Variants in EYS observed in about 807,000 individuals in gnomAD.
EYS encodes EGF-like photoreceptor maintenance factor, also known as protein eyes shut homolog.
In EYS, 250 loss-of-function variants were observed where a neutral mutation model predicts 282.1. The ratio of observed to expected loss-of-function variants is 0.89; its 90% CI spans 0.80 to 0.98. The LOEUF (loss-of-function observed/expected upper bound fraction) is 0.98, where lower values mean the gene tolerates loss of function less well. Ranked by LOEUF, EYS falls within the 50% of genes least tolerant of loss-of-function variation. The pLI, the probability that EYS is intolerant of heterozygous loss-of-function variation, is 0.00. For synonymous variants in EYS, 1,355 were observed against 1,282.9 expected, an observed-to-expected ratio of 1.06 and a Z score of -1.20; for missense variants, 4,016 against 3,709.0, an observed-to-expected ratio of 1.08 and a Z score of -2.15.
At chr6:65,142,575 C>T (rs1214672058) in intron 12 of EYS, among the ~76,000 whole-genome samples, 2 of 150,080 alleles carry the variant, frequency 1.3e-5, no homozygotes, top group Non-Finnish European at 3.0e-5. Context: ...GATGTAACTA[C>T]TGGGAAAAGC....
At chr6:64,699,428 C>T (rs1770705557) in intron 22 of EYS, among the ~76,000 whole-genome samples, 1 of 152,042 alleles carries the variant, frequency 6.6e-6, no homozygotes, top group Non-Finnish European at 1.5e-5. Context: ...CCCCATTACA[C>T]AAGTTTATCT....
At chr6:64,795,705 C>A (rs961238699) in intron 22 of EYS, among the ~76,000 whole-genome samples, 1 of 152,180 alleles carries the variant, frequency 6.6e-6, no homozygotes. Flanking sequence ...ATTTTTGACA[C>A]TTTTAATGAA....
At chr6:64,220,721 C>T (rs1467512299) in intron 31 of EYS, among the ~76,000 whole-genome samples, 1 of 152,126 alleles carries the variant, frequency 6.6e-6, no homozygotes, top group African/African-American at 2.4e-5. Flanking sequence ...TCTTTGCATG[C>T]TCATTCTAGG....
chr6:64,231,432 T>TG (rs1357198005), intron 30 of EYS, among the ~76,000 whole-genome samples: 4 of 152,158 alleles, frequency 2.6e-5, no homozygotes, highest in African/African-American at 9.7e-5. Flanking sequence ...GATTCATCCC[T>TG]GCTCTTCCAG....
intron 33 of EYS, among the ~76,000 whole-genome samples, chr6:64,012,689 A>G (rs961306889): frequency 6.6e-6 from 1 of 152,158 alleles, no homozygotes; most frequent in East Asian, 1.9e-4. Flanking sequence ...GCTGTTTCCT[A>G]AAAGTGGGAT....
At position 63,721,504 on chromosome 6, in the gene EYS, C is replaced by A; in HGVS notation, c.8527G>T (p.Gly2843Cys). The A allele has an allele frequency of 6.4e-7, 1 of 1,551,318 alleles. No individual in the cohort carries two copies. The highest frequency in any genetic ancestry group is 8.7e-7 in the Non-Finnish European group (1 of 1,146,636). Residue 2843 changes from glycine (G) to cysteine (C), a missense_variant, in exon 43 of 43, where the codon GGT becomes TGT. By Grantham distance (159) the Gly-to-Cys change is radical. Coordinates refer to ENST00000503581, the MANE Select transcript of EYS (RefSeq NM_001142800.2). ...ACTTGTCGGATACAGCCTTGAAAAC[C>A]TACAGGTTCATTTTCTATTGCCATG... ...NPMAIENEPV[G>C]FQGCIRQVII...
chr6:64,642,073 G>A (rs1420867208), intron 22 of EYS, among the ~76,000 whole-genome samples: 2 of 152,086 alleles, frequency 1.3e-5, no homozygotes, highest in Non-Finnish European at 2.9e-5. Context: ...ATAACATGAA[G>A]ACAGAAAGAT....
chr6:65,560,618 A>G (rs1474082672), intron 2 of EYS, among the ~76,000 whole-genome samples: 1 of 151,812 alleles, frequency 6.6e-6, no homozygotes, highest in Non-Finnish European at 1.5e-5. Context: ...TCTGCCATCC[A>G]AAGGCAGACA....
intron 2 of EYS, among the ~76,000 whole-genome samples, chr6:65,619,868 G>A (rs1311901062): frequency 9.3e-5 from 14 of 150,700 alleles, no homozygotes; most frequent in Middle Eastern, 3.4e-3. Flanking sequence ...ATTGATTTGC[G>A]TATGTTGAAC....
chr6:63,849,441 T>G (rs569908836), intron 36 of EYS, among the ~76,000 whole-genome samples: 1 of 152,172 alleles, frequency 6.6e-6, no homozygotes, highest in African/African-American at 2.4e-5. Context: ...AGGAGAGCAC[T>G]GGCTGGCATC....
intron 2 of EYS, among the ~76,000 whole-genome samples, chr6:65,616,644 G>T (rs1766207735): frequency 1.3e-5 from 2 of 151,884 alleles, no homozygotes; most frequent in African/African-American, 2.4e-5. Flanking sequence ...AAATTTGCTG[G>T]GTGTGGTGGC....
intron 26 of EYS, among the ~76,000 whole-genome samples, chr6:64,471,867 TTAGA>T: frequency 6.6e-6 from 1 of 152,298 alleles, no homozygotes; most frequent in African/African-American, 2.4e-5. Flanking sequence ...AAACATATAA[TTAGA>T]TAGAAGACAT....
intron 31 of EYS, among the ~76,000 whole-genome samples, chr6:64,131,839 C>G (rs913461333): frequency 2.6e-5 from 4 of 152,046 alleles, no homozygotes; most frequent in Admixed American, 1.3e-4. Flanking sequence ...ATACATGGTG[C>G]CATAGACTAA....
At chr6:65,036,665 A>C (rs1343261809) in intron 13 of EYS, among the ~76,000 whole-genome samples, 2 of 151,934 alleles carry the variant, frequency 1.3e-5, no homozygotes, top group Non-Finnish European at 1.5e-5. Context: ...AAAGGACATG[A>C]ACATTTGTCA....
chr6:65,047,477 A>G (rs1005715323), intron 13 of EYS, among the ~76,000 whole-genome samples: 1 of 151,934 alleles, frequency 6.6e-6, no homozygotes, highest in African/African-American at 2.4e-5. Context: ...CTTATGTTTT[A>G]TTCTAAAAGA....
At chr6:64,723,423 A>T (rs2149945304) in intron 22 of EYS, among the ~76,000 whole-genome samples, 1 of 152,344 alleles carries the variant, frequency 6.6e-6, no homozygotes, top group East Asian at 1.9e-4. Flanking sequence ...GCACTGCAGG[A>T]TGCTTTAATA....
At chr6:64,815,260 A>C (rs1159663342) in intron 21 of EYS, 1 of 460,400 alleles carries the variant, frequency 2.2e-6, no homozygotes, top group South Asian at 1.5e-5. Context: ...AAGAGCACAT[A>C]GTAGACTATC....
At chr6:64,397,190 G>C (rs556086446) in intron 28 of EYS, among the ~76,000 whole-genome samples, 2 of 151,894 alleles carry the variant, frequency 1.3e-5, no homozygotes, top group Non-Finnish European at 2.9e-5. Context: ...AGTTTAACTT[G>C]GTTATGATAT....
intron 36 of EYS, among the ~76,000 whole-genome samples, chr6:63,823,335 T>C (rs1771372529): frequency 1.3e-5 from 2 of 152,196 alleles, no homozygotes; most frequent in Non-Finnish European, 2.9e-5. Flanking sequence ...TCTTAATACA[T>C]ACGATGAAAT....
Sources: allele counts gnomAD v4.1 joint callset (sites outside exome capture counted in the v4.1 genomes callset), GRCh38; gene constraint gnomAD v4.1.1; transcripts MANE v1.5; gene names NCBI Gene and HGNC (gene_info 2026-07-23, HGNC 2026-07-21).